The following CACNA1H variants were observed in gnomAD, a reference collection of about 807,000 sequenced individuals.
CACNA1H encodes voltage-dependent T-type calcium channel subunit alpha-1H.
Under a neutral mutation model 192.5 loss-of-function variants are expected in CACNA1H, and 149 were observed. That is an observed-to-expected ratio of 0.77 (90% confidence interval 0.68 to 0.89). CACNA1H has a LOEUF of 0.89. CACNA1H is among the 40% of genes least tolerant of loss of function. CACNA1H has a pLI of 0.00. For missense variants in CACNA1H, 4,257 were observed against 3,423.5 expected (o/e 1.24, Z -6.08); for synonymous variants, 2,202 against 1,475.2 (o/e 1.49, Z -11.29).
chr16:1,211,951 G>A lies in CACNA1H; in HGVS notation c.4572G>A (p.Val1524=), dbSNP rs1969500318. 1 of 1,613,358 alleles carries A rather than the reference G, an allele frequency of 6.2e-7. No homozygotes were observed. Among genetic ancestry groups the A allele is most frequent in the Non-Finnish European group, 8.5e-7 (1 of 1,179,662 alleles). ...LDAVGVDQQP[V]QNHNPWMLLY... is the part of the protein sequence containing the mutation. Reference sequence around the variant, plus strand: ...CCACCGCCTCTGTGCCACAGCCTGTGCAGAACCACAACCCCTGGATGCTGC... The same window carrying A: ...CCACCGCCTCTGTGCCACAGCCTGTACAGAACCACAACCCCTGGATGCTGC... The change falls in exon 25 of 35, where the codon GTG becomes GTA. Residue 1524 remains valine (V), a synonymous_variant. Transcript: ENST00000348261.
chr16:1,205,617 C>A (rs768451663), intron 11 of CACNA1H, among the ~76,000 whole-genome samples: 1 of 152,232 alleles, frequency 6.6e-6, no homozygotes, highest in East Asian at 1.9e-4. Context: ...AGGCTGAATC[C>A]TGCTTGCTGC....
rs995882071 is a variant in CACNA1H, at chr16:1,220,947, C to T, written c.7015C>T (p.Pro2339Ser). 12 of 1,606,792 alleles carry T rather than the reference C, an allele frequency of 7.5e-6. No individual in the cohort carries two copies. Among genetic ancestry groups the T allele is most frequent in the African/African-American group, 1.3e-5 (1 of 74,560 alleles). Residue 2339 changes from proline to serine, a missense_variant, in exon 35 of 35, where the codon CCC (proline) becomes TCC (serine). By Grantham distance (74) the Pro-to-Ser change is moderately conservative. Transcript: ENST00000348261. ...PQCPLEKPGSPSATPAPGGGA... is the reference protein window; with the variant it reads ...PQCPLEKPGSSSATPAPGGGA... ...GTGTCCTCTGGAGAAACCAGGGTCCCCCTCAGCCACCCCTGCCCCAGGGGG... is the reference window on the plus strand; with the variant it reads ...GTGTCCTCTGGAGAAACCAGGGTCCTCCTCAGCCACCCCTGCCCCAGGGGG...
Position 1,210,779 on chromosome 16 carries a change from C to T in CACNA1H, c.4039-8C>T, listed in dbSNP as rs757467258. The T allele has an allele frequency of 1.3e-5, 21 of 1,599,538 alleles. No homozygotes were observed. The highest frequency in any genetic ancestry group is 3.3e-5 in the Admixed American group (2 of 59,950). Reference sequence around the variant, plus strand: ...GAGCCTGAGCTCAGTGCCATTGGCCCTCCGCAGGTGGTGGCCCTGGGGCTG... The same window carrying T: ...GAGCCTGAGCTCAGTGCCATTGGCCTTCCGCAGGTGGTGGCCCTGGGGCTG... On this transcript the variant is annotated splice_region_variant and splice_polypyrimidine_tract_variant and intron_variant, in intron 20 of 34. Transcript: ENST00000348261.
At chr16:1,192,966 A>ACCCC (rs1161623597) in intron 2 of CACNA1H, among the ~76,000 whole-genome samples, 1 of 151,550 alleles carries the variant, frequency 6.6e-6, no homozygotes, top group Non-Finnish European at 1.5e-5. Context: ...CAGTCCCACC[A>ACCCC]CCCCCCATTG....
At chr16:1,208,320 C>A in intron 16 of CACNA1H, 99 bp downstream of exon 16, 1 of 827,406 alleles carries the variant, frequency 1.2e-6, no homozygotes, top group African/African-American at 1.7e-5. Flanking sequence ...CCGCACCCCC[C>A]ACACCCTTGA....
intron 2 of CACNA1H, among the ~76,000 whole-genome samples, chr16:1,168,205 A>G (rs1309524371): frequency 6.6e-6 from 1 of 151,462 alleles, no homozygotes; most frequent in Non-Finnish European, 1.5e-5. Context: ...CCCCCCCCCA[A>G]GTGACAGTTT....
chr16:1,219,063 C>A lies in CACNA1H; in HGVS notation c.5981C>A (p.Pro1994His). 2 of 1,549,888 alleles carry A rather than the reference C, an allele frequency of 1.3e-6. No homozygotes were observed. Among genetic ancestry groups the A allele is most frequent in the Non-Finnish European group, 1.7e-6 (2 of 1,146,790 alleles). ...TCGTCCCCAGCCAGGAGCGGCGAGCCCCTCCACGCCCTGTCCCCTCGGGGC... is the reference window on the plus strand; with the variant it reads ...TCGTCCCCAGCCAGGAGCGGCGAGCACCTCCACGCCCTGTCCCCTCGGGGC... ...AVSSPARSGE[P>H]LHALSPRGTA... The change falls in exon 34 of 35, where the codon CCC becomes CAC. Residue 1994 changes from proline to histidine, a missense_variant. Coordinates refer to ENST00000348261, the MANE Select transcript of CACNA1H (RefSeq NM_021098.3).
Position 1,205,983 on chromosome 16 carries a change from C to T in CACNA1H, c.2604-121C>T, listed in dbSNP as rs1269734084. 6.8e-6 allele frequency: 6 copies of T among 881,084 alleles called. 1 individual carries two copies. The South Asian group carries it at 8.9e-5, about 13-fold the overall frequency. The allele number at this position is 881,084 out of a possible 1,614,324, so 54.6% of individuals were successfully genotyped here. A position where few individuals can be genotyped will look rare whatever the true frequency, so the allele number is the denominator to read the frequency against. On this transcript the variant is annotated intron_variant, in intron 11 of 34. Coordinates refer to ENST00000348261, the MANE Select transcript of CACNA1H (RefSeq NM_021098.3). ...ACCTTGATGCAGCCATACCCTCTCC[C>T]ATCTGTGGGATGCAGCACAGGCCGC...
At chr16:1,216,010 C>CCCCTGCA (rs1231475268) in intron 30 of CACNA1H, among the ~76,000 whole-genome samples, 1 of 144,878 alleles carries the variant, frequency 6.9e-6, no homozygotes, top group Non-Finnish European at 1.5e-5. Flanking sequence ...GTGCCCCTGG[C>CCCCTGCA]CCCTGCCCAG....
intron 27 of CACNA1H, among the ~76,000 whole-genome samples, 199 bp from the exon 28 acceptor site, chr16:1,214,773 C>A (rs897114349): frequency 6.6e-6 from 1 of 152,126 alleles, no homozygotes; most frequent in African/African-American, 2.4e-5. Context: ...TTCACCTGAT[C>A]AGACACTTAC....
chr16:1,214,214 C>G (rs1473016457), intron 27 of CACNA1H, among the ~76,000 whole-genome samples: 1 of 152,202 alleles, frequency 6.6e-6, no homozygotes. Context: ...ACGTGAGCAT[C>G]CGACCCATGG....
intron 2 of CACNA1H, among the ~76,000 whole-genome samples, chr16:1,161,726 C>G (rs904158936): frequency 2.0e-5 from 3 of 152,224 alleles, no homozygotes; most frequent in African/African-American, 7.2e-5. Flanking sequence ...GATAGGCTGT[C>G]AGCCCCGTCC....
In CACNA1H at chr16:1,208,211, A is replaced by G; in HGVS notation, c.3353A>G (p.Gln1118Arg). 2.6e-6 allele frequency: 4 copies of G among 1,562,290 alleles called. No homozygotes were observed. The highest frequency in any genetic ancestry group is 3.5e-6 in the Non-Finnish European group (4 of 1,156,330). ...SSSGDPPLGD[Q>R]KPPASLRSSP... The stretch of plus-strand genomic sequence containing the variant: ...TCCGGGGACCCGCCACTGGGAGACC[A>G]GAAGCCTCCGGTAGGGACCATCTCC... Residue 1118 changes from glutamine to arginine, a missense_variant, in exon 16 of 35, where the codon CAG (glutamine) becomes CGG (arginine). By Grantham distance (43) the Gln-to-Arg change is conservative. Coordinates refer to ENST00000348261, the MANE Select transcript of CACNA1H (RefSeq NM_021098.3).
rs1259091648 is a variant in CACNA1H at position 1,202,142 on chromosome 16, C to T, written c.1692C>T (p.Arg564=). The change falls in exon 9 of 35, where the codon CGC becomes CGT. Residue 564 remains arginine (R), a synonymous_variant. Transcript: ENST00000348261. ...CCCCCTCGCCACCTTCCCCAGGCCGCGGACCCCCCGACGCAGAGTCTGTGC... is the reference window on the plus strand; with the variant it reads ...CCCCCTCGCCACCTTCCCCAGGCCGTGGACCCCCCGACGCAGAGTCTGTGC... ...GAPPSPPSPG[R]GPPDAESVHS... The T allele has an allele frequency of 1.7e-5, 26 of 1,548,930 alleles. No homozygotes were observed. Among genetic ancestry groups the T allele is most frequent in the Admixed American group, 1.4e-4 (7 of 51,046 alleles).
chr16:1,162,287 A>C (rs548146550), intron 2 of CACNA1H, among the ~76,000 whole-genome samples: 12 of 151,744 alleles, frequency 7.9e-5, no homozygotes, highest in African/African-American at 2.9e-4. Context: ...GGGTGCCCCC[A>C]CCTGCCCTCA....
chr16:1,195,346 G>T (rs1596382095), intron 3 of CACNA1H, 86 bp from the exon 4 acceptor site: 22 of 1,518,858 alleles, frequency 1.4e-5, no homozygotes, highest in Non-Finnish European at 1.8e-5. Flanking sequence ...GGCAAGACTG[G>T]GGGCCGGGCT....
chr16:1,188,790 C>T (rs953755071), intron 2 of CACNA1H, among the ~76,000 whole-genome samples: 16 of 152,202 alleles, frequency 1.1e-4, no homozygotes, highest in Admixed American at 1.0e-3. Flanking sequence ...GCTTCCTCGC[C>T]CCCTCCTGGA....
chr16:1,177,798 C>T (rs1965041336), intron 2 of CACNA1H, among the ~76,000 whole-genome samples: 1 of 151,856 alleles, frequency 6.6e-6, no homozygotes, highest in African/African-American at 2.4e-5. Flanking sequence ...CTCTCGGGGT[C>T]CTTGTTACAA....
intron 11 of CACNA1H, among the ~76,000 whole-genome samples, 163 bp downstream of exon 11, chr16:1,205,428 G>A (rs1411141945): frequency 6.6e-6 from 1 of 152,152 alleles, no homozygotes. Flanking sequence ...GTGGCCCAAG[G>A]GACCGTCCTG....
Sources: gnomAD v4.1 joint callset for allele counts (sites outside exome capture counted in the v4.1 genomes callset) on GRCh38, gnomAD v4.1.1 for gene constraint, MANE v1.5 for transcripts, NCBI Gene and HGNC (gene_info 2026-07-23, HGNC 2026-07-21) for gene names.